Variants in MPDZ observed in about 807,000 individuals in gnomAD.
The protein encoded by MPDZ is multiple PDZ domain crumbs cell polarity complex component.
In MPDZ, 234 loss-of-function variants were observed where a neutral mutation model predicts 239.1. That is an observed-to-expected ratio of 0.98 (90% CI 0.88 to 1.09). The LOEUF is 1.09. Among genes scored for constraint, MPDZ ranks in the 50% least tolerant of loss-of-function variants. MPDZ has a pLI of 0.00. For missense variants in MPDZ, 3,175 were observed against 2,510.0 expected (o/e 1.26, Z -5.66); for synonymous variants, 1,048 against 881.3 (o/e 1.19, Z -3.35).
intron 36 of MPDZ, 74 bp from the exon 37 acceptor site, chr9:13,122,244 C>T (rs1944459198): frequency 7.6e-7 from 1 of 1,311,000 alleles, no homozygotes; most frequent in Non-Finnish European, 1.1e-6. Flanking sequence ...GGAGTCCAAA[C>T]ACATTATACT....
intron 27 of MPDZ, among the ~76,000 whole-genome samples, chr9:13,142,059 T>C: frequency 6.6e-6 from 1 of 152,146 alleles, no homozygotes; most frequent in Non-Finnish European, 1.5e-5. Flanking sequence ...AGAATTTTTC[T>C]GGCTAAAAAA....
chr9:13,143,684 T>A (rs547489182), intron 26 of MPDZ, 120 bp from the exon 27 acceptor site: 204 of 769,430 alleles, frequency 2.7e-4, no homozygotes, highest in Non-Finnish European at 4.4e-4. Flanking sequence ...TCCTATCAGA[T>A]CCAGTCATTA....
intron 1 of MPDZ, among the ~76,000 whole-genome samples, chr9:13,264,468 A>G (rs1284627382): frequency 6.6e-6 from 1 of 152,188 alleles, no homozygotes; most frequent in Non-Finnish European, 1.5e-5. Flanking sequence ...GAGAGAAGCT[A>G]AAGCTCACTG....
intron 32 of MPDZ, among the ~76,000 whole-genome samples, chr9:13,129,319 C>T (rs112419944): frequency 9.9e-5 from 15 of 151,698 alleles, no homozygotes; most frequent in African/African-American, 3.6e-4. Context: ...AAAAGTTAGC[C>T]GGGCATGGTG....
chr9:13,174,857 A>T (rs887962232), intron 21 of MPDZ, among the ~76,000 whole-genome samples: 2 of 152,162 alleles, frequency 1.3e-5, no homozygotes, highest in Non-Finnish European at 2.9e-5. Context: ...GCCACCATCA[A>T]ATGGAACAAA....
chr9:13,202,820 C>G (rs908640690), intron 12 of MPDZ, among the ~76,000 whole-genome samples: 5 of 152,200 alleles, frequency 3.3e-5, no homozygotes, highest in Admixed American at 6.5e-5. Flanking sequence ...TGGCTCCTCT[C>G]AATTCTGTAG....
At chr9:13,208,889 C>T (rs1303351143) in intron 10 of MPDZ, among the ~76,000 whole-genome samples, 1 of 151,992 alleles carries the variant, frequency 6.6e-6, no homozygotes, top group Non-Finnish European at 1.5e-5. Context: ...GTTCTTTCTC[C>T]CTATCTCCAC....
intron 3 of MPDZ, among the ~76,000 whole-genome samples, chr9:13,236,439 A>G (rs1039538825): frequency 6.7e-6 from 1 of 149,408 alleles, no homozygotes; most frequent in Admixed American, 6.7e-5. Flanking sequence ...TGTACCACCC[A>G]CCTGGCTAAT....
rs140930224 is a variant in MPDZ at position 13,110,518 on chromosome 9, G to C, written c.5829+118C>G. 1.9e-3 allele frequency: 1,421 copies of C among 740,554 alleles called. 50 individuals carry two copies. In the East Asian group the frequency reaches 0.03, roughly 16 times the overall value. 45.9% of individuals were successfully genotyped at this position (740,554 alleles called of 1,614,324 possible). A position where few individuals can be genotyped will look rare whatever the true frequency, so the allele number is the denominator to read the frequency against. Reference sequence around the variant, plus strand: ...TCTTAATTTAATCATTTATGTTCAAGAGAAATATTAAATAAAATAATAGCA... The same window carrying C: ...TCTTAATTTAATCATTTATGTTCAACAGAAATATTAAATAAAATAATAGCA... On this transcript the variant is annotated intron_variant, in intron 44 of 46. Coordinates refer to ENST00000319217, the MANE Select transcript of MPDZ (RefSeq NM_001378778.1).
At chr9:13,121,955 CTG>C (rs1563841899) in intron 37 of MPDZ, 23 bp from the exon 38 acceptor site, 1 of 1,608,122 alleles carries the variant, frequency 6.2e-7, no homozygotes, top group Admixed American at 1.7e-5. Context: ...GGGACACTGA[CTG>C]TAAGGAACAT....
At chr9:13,180,888 T>C (rs1953220195) in intron 19 of MPDZ, among the ~76,000 whole-genome samples, 1 of 152,096 alleles carries the variant, frequency 6.6e-6, no homozygotes. Context: ...TAAAGCAGAA[T>C]GGACCCCCAA....
At chr9:13,231,002 T>C (rs1244772746) in intron 3 of MPDZ, among the ~76,000 whole-genome samples, 2 of 151,832 alleles carry the variant, frequency 1.3e-5, no homozygotes, top group Admixed American at 6.6e-5. Context: ...GAAAATAACA[T>C]ATATTGCAGC....
intron 25 of MPDZ, among the ~76,000 whole-genome samples, chr9:13,149,009 T>C (rs1170620552): frequency 6.6e-6 from 1 of 151,976 alleles, no homozygotes; most frequent in Non-Finnish European, 1.5e-5. Flanking sequence ...TCTTTTGCTA[T>C]TTAGGTCAAA....
chr9:13,162,744 T>G lies in MPDZ; in HGVS notation c.3306A>C (p.Gly1102=). Residue 1102 remains glycine, a synonymous_variant, in exon 23 of 47, where the codon GGA becomes GGC. Transcript: ENST00000319217. ...GTGCCATTACTCTTCCAGATTGTTG[T>G]CCCAAGCTTATTTTGAACTCTTCCA... The part of the protein sequence containing the change: ...EHLEEFKISL[G]QQSGRVMALD... 1 of 1,611,774 alleles carries G rather than the reference T, an allele frequency of 6.2e-7. No individual in the cohort carries two copies. Among genetic ancestry groups the G allele is most frequent in the South Asian group, 1.1e-5 (1 of 90,820 alleles).
chr9:13,271,134 T>G (rs929614148), intron 1 of MPDZ, among the ~76,000 whole-genome samples: 1 of 152,204 alleles, frequency 6.6e-6, no homozygotes, highest in Non-Finnish European at 1.5e-5. Context: ...TTAAATATTT[T>G]TAAATCTTTT....
intron 31 of MPDZ, 105 bp downstream of exon 31, chr9:13,135,987 T>C: frequency 1.3e-6 from 1 of 748,764 alleles, no homozygotes. Context: ...CTATAACTTA[T>C]CTACCTCTAA....
rs897375343 is a variant in MPDZ, at chr9:13,117,840, T to G, written c.5379+1662A>C. On this transcript the variant is annotated intron_variant, in intron 39 of 46. Transcript: ENST00000319217. The stretch of plus-strand genomic sequence containing the variant: ...TGGTGTTCATTATATACTTTCAGAT[T>G]AGCTTTTTTTTTTTTTTTTTTGAGA... Among the ~76,000 whole-genome samples, 6 of 150,918 alleles carry G rather than the reference T, an allele frequency of 4.0e-5. No homozygotes were observed. The East Asian group carries it at 1.2e-3, about 29-fold the overall frequency.
rs2131517685 is a variant in MPDZ, at chr9:13,119,512, G to C, written c.5369C>G (p.Ala1790Gly). 6.2e-7 allele frequency: 1 copy of C among 1,609,784 alleles called. No homozygotes were observed. The highest frequency in any genetic ancestry group is 8.5e-7 in the Non-Finnish European group (1 of 1,178,328). ...VRNATQEAVA[A>G]LLKCSLGTVT... is the part of the protein sequence containing the mutation. ...TTTTGCATTTTTTACCTTTAGCAAAGCGGCAACCGCTTCTTGGGTGGCATT... is the reference window on the plus strand; with the variant it reads ...TTTTGCATTTTTTACCTTTAGCAAACCGGCAACCGCTTCTTGGGTGGCATT... The change falls in exon 39 of 47, where the codon GCT (alanine) becomes GGT (glycine). Residue 1790 changes from alanine (A) to glycine (G), a missense_variant. Physicochemically the swap from Ala to Gly is moderately conservative, Grantham distance 60. Coordinates refer to ENST00000319217, the MANE Select transcript of MPDZ (RefSeq NM_001378778.1).
At chr9:13,209,092 C>A (rs1311602805) in intron 10 of MPDZ, among the ~76,000 whole-genome samples, 1 of 152,062 alleles carries the variant, frequency 6.6e-6, no homozygotes, top group Non-Finnish European at 1.5e-5. Context: ...CCTGTCTGGT[C>A]TGTAAGAAGA....
Sources: gnomAD v4.1 joint callset for allele counts (sites outside exome capture counted in the v4.1 genomes callset) on GRCh38, gnomAD v4.1.1 for gene constraint, MANE v1.5 for transcripts, NCBI Gene and HGNC (gene_info 2026-07-23, HGNC 2026-07-21) for gene names.